Variants in BBS2 observed in about 807,000 individuals in gnomAD.
The protein encoded by BBS2 is BBSome complex member BBS2.
BBS2 carries 62 observed loss-of-function variants against 83.0 expected under a neutral mutation model. That is an observed-to-expected ratio of 0.75 (90% CI 0.61 to 0.92). BBS2 has a LOEUF of 0.92. BBS2 is among the 40% of genes least tolerant of loss of function. The pLI is 0.00. For missense variants in BBS2, 784 were observed against 901.0 expected, an observed-to-expected ratio of 0.87 and a Z score of 1.66; for synonymous variants, 303 against 326.1, an observed-to-expected ratio of 0.93 and a Z score of 0.76.
At chr16:56,477,340 C>T (rs1342779720) in intron 17 of BBS2, 2 of 152,108 alleles carry the variant, frequency 1.3e-5, no homozygotes, top group African/African-American at 4.8e-5. Context: ...GTATTATTCC[C>T]TTGGAAAGGG....
chr16:56,476,481 T>A (rs1963482995), intron 17 of BBS2: 1 of 252,140 alleles, frequency 4.0e-6, no homozygotes, highest in Non-Finnish European at 7.4e-6. Context: ...AATTTTTAAG[T>A]TCAATTTGTT....
At position 56,498,499 on chromosome 16, in the gene BBS2, C is replaced by A; in HGVS notation, c.1597G>T (p.Val533Leu). 1 of 1,614,084 alleles carries A rather than the reference C, an allele frequency of 6.2e-7. No homozygotes were observed. Among genetic ancestry groups the A allele is most frequent in the South Asian group, 1.1e-5 (1 of 91,080 alleles). The change falls in exon 13 of 17, where the codon GTG (valine) becomes TTG (leucine). Residue 533 changes from valine (V) to leucine (L), a missense_variant. Transcript: ENST00000245157. ...DTHIQNAPFQ[V>L]CFTSLRNGGH... ...CCATTCCGTAAAGATGTGAAACACACTTGAAATGGAGCATTCTGAATGTGA... is the reference window on the plus strand; with the variant it reads ...CCATTCCGTAAAGATGTGAAACACAATTGAAATGGAGCATTCTGAATGTGA...
intron 15 of BBS2, among the ~76,000 whole-genome samples, chr16:56,495,766 ATG>A (rs34446691): frequency 0.41 from 61,335 of 149,048 alleles, 12,957 homozygotes; most frequent in African/African-American, 0.5. Context: ...GTGTGTATAT[ATG>A]TGTGTGTGTG....
intron 5 of BBS2, among the ~76,000 whole-genome samples, chr16:56,506,898 G>T (rs1964436003): frequency 6.6e-6 from 1 of 152,170 alleles, no homozygotes; most frequent in African/African-American, 2.4e-5. Flanking sequence ...TTCCTTTAAA[G>T]TTAAAACCAA....
intron 2 of BBS2, among the ~76,000 whole-genome samples, chr16:56,512,291 T>A (rs1964600239): frequency 6.6e-6 from 1 of 152,212 alleles, no homozygotes; most frequent in Non-Finnish European, 1.5e-5. Context: ...TTTCACAGTG[T>A]CATAAAGTTC....
chr16:56,500,681 C>A (rs1029608148), intron 11 of BBS2, 173 bp downstream of exon 11: 13 of 512,740 alleles, frequency 2.5e-5, no homozygotes, highest in East Asian at 3.6e-5. Flanking sequence ...TTTCCATTTT[C>A]TTTTTACAGG....
At chr16:56,518,922 C>T (rs1475774524) in intron 1 of BBS2, among the ~76,000 whole-genome samples, 1 of 152,132 alleles carries the variant, frequency 6.6e-6, no homozygotes, top group Non-Finnish European at 1.5e-5. Flanking sequence ...TAGTAAACAC[C>T]TAATACTTAG....
At chr16:56,471,207 A>T (rs1444399512) in intron 17 of BBS2, among the ~76,000 whole-genome samples, 1 of 151,534 alleles carries the variant, frequency 6.6e-6, no homozygotes, top group African/African-American at 2.4e-5. Flanking sequence ...CAAAAAAAAA[A>T]AAAAATTTGC....
rs1371617252 is a variant in BBS2 at position 56,511,195 on chromosome 16, T to C, written c.435A>G (p.Gln145=). ...GATCACTTCCTTCATGATTGAAACC[T>C]TGCAGAGCACAATTGCCACCAATAA... is the stretch of plus-strand genomic sequence containing the variant. ...LAIIGGNCAL[Q]GFNHEGSDLF... is the part of the protein sequence containing the mutation. Residue 145 remains glutamine (Q), a synonymous_variant, in exon 3 of 17, where the codon CAA becomes CAG. Coordinates refer to ENST00000245157, the MANE Select transcript of BBS2 (RefSeq NM_031885.5). 9.3e-6 allele frequency: 15 copies of C among 1,614,016 alleles called. No homozygotes were observed. The highest frequency in any genetic ancestry group is 1.3e-5 in the Non-Finnish European group (15 of 1,180,032).
At chr16:56,510,832 A>G (rs780205811) in intron 4 of BBS2, 27 bp downstream of exon 4, 2 of 1,610,890 alleles carry the variant, frequency 1.2e-6, no homozygotes, top group Non-Finnish European at 1.7e-6. Flanking sequence ...CTGAACACAC[A>G]AGAGAGATAT....
intron 17 of BBS2, chr16:56,476,915 A>AG (rs1325821613): frequency 6.6e-6 from 1 of 152,320 alleles, no homozygotes; most frequent in East Asian, 1.9e-4. Flanking sequence ...GGATCACCTG[A>AG]GGTCAGGAGT....
intron 9 of BBS2, 161 bp downstream of exon 9, chr16:56,502,156 G>GA (rs1964293388): frequency 3.1e-6 from 3 of 958,608 alleles, no homozygotes; most frequent in Non-Finnish European, 3.3e-6. Context: ...ACCTGGAAAT[G>GA]AAATTTCAAG....
At chr16:56,481,277 A>C (rs539991410), downstream of BBS2, among the ~76,000 whole-genome samples, 6 of 152,060 alleles carry the variant, frequency 3.9e-5, no homozygotes, top group African/African-American at 1.4e-4. Flanking sequence ...GGCAGATGCT[A>C]TTCTATGCTC....
intron 17 of BBS2, chr16:56,478,756 C>G (rs1449355561): frequency 6.6e-6 from 1 of 152,200 alleles, no homozygotes; most frequent in Non-Finnish European, 1.5e-5. Context: ...TGTTTATGAT[C>G]TGTCAACACA....
In BBS2 at chr16:56,506,147, G is replaced by A. The variant is rs1245448820; in HGVS notation, c.690C>T (p.Asp230=). 6.2e-7 allele frequency: 1 copy of A among 1,613,948 alleles called. No individual in the cohort carries two copies. Among genetic ancestry groups the A allele is most frequent in the Admixed American group, 1.7e-5 (1 of 60,026 alleles). ...TAATTCTCCAGTATCGGGATGTTTT[G>A]TCATAAACTCCAACTGTGCCATTGG... is the stretch of plus-strand genomic sequence containing the variant. ...ALSNGTVGVY[D]KTSRYWRIKS... Residue 230 remains aspartate, a synonymous_variant, in exon 6 of 17, where the codon GAC becomes GAT. Coordinates refer to ENST00000245157, the MANE Select transcript of BBS2 (RefSeq NM_031885.5).
chr16:56,477,753 C>T (rs1963544563), intron 17 of BBS2: 1 of 152,080 alleles, frequency 6.6e-6, no homozygotes, highest in Admixed American at 6.6e-5. Flanking sequence ...TTATTTTTAG[C>T]TTTTGCAGTA....
chr16:56,512,246 G>C (rs1436096402), intron 2 of BBS2, among the ~76,000 whole-genome samples: 1 of 152,168 alleles, frequency 6.6e-6, no homozygotes, highest in African/African-American at 2.4e-5. Flanking sequence ...CTGCAGGCAG[G>C]AGTATAAAGT....
intron 1 of BBS2, 37 bp downstream of exon 1, chr16:56,519,709 C>T: frequency 6.5e-7 from 1 of 1,547,476 alleles, no homozygotes; most frequent in Non-Finnish European, 8.9e-7. Context: ...CCTGTGGTTC[C>T]CTGGGGCCCG....
intron 15 of BBS2, among the ~76,000 whole-genome samples, chr16:56,489,056 T>C (rs1010710224): frequency 4.0e-5 from 6 of 151,700 alleles, no homozygotes; most frequent in African/African-American, 1.5e-4. Flanking sequence ...ACTGGGATTA[T>C]AGACATAAGC....
Sources: gnomAD v4.1 joint callset for allele counts (sites outside exome capture counted in the v4.1 genomes callset) on GRCh38, gnomAD v4.1.1 for gene constraint, MANE v1.5 for transcripts, NCBI Gene and HGNC (gene_info 2026-07-23, HGNC 2026-07-21) for gene names.